Variants in MSANTD7 observed in about 807,000 individuals in gnomAD.
MSANTD7 encodes the protein Myb/SANT DNA binding domain containing 7, also known as zinc finger and SCAN domain containing 29.
At chr10:14,838,355 G>T in the MSANTD7 span, 3 of 1,555,604 alleles carry the variant, frequency 1.9e-6, no homozygotes, top group Non-Finnish European at 2.6e-6. Context: ...GGTAGCTGTT[G>T]CTGTTGGGGG....
At chr10:14,843,776 G>A in the MSANTD7 span, 246 of 1,536,210 alleles carry the variant, frequency 1.6e-4, no homozygotes, top group Non-Finnish European at 2.0e-4. Context: ...AATGAGCTCC[G>A]CAGGGATGCT....
At chr10:14,846,793 G>A in the MSANTD7 span, 1,262 of 985,428 alleles carry the variant, frequency 1.3e-3, 24 homozygotes, top group South Asian at 0.033. Context: ...TGCCAAGCCC[G>A]TGGGCTGTTG....
chr10:14,845,861 C>A, the MSANTD7 span: 1 of 317,276 alleles, frequency 3.2e-6, no homozygotes, highest in Non-Finnish European at 4.6e-6. Flanking sequence ...CGTGCCCAGC[C>A]AATTCATGCC....
At chr10:14,841,742 G>C in the MSANTD7 span, among the ~76,000 whole-genome samples, 2 of 152,216 alleles carry the variant, frequency 1.3e-5, no homozygotes, top group Non-Finnish European at 2.9e-5. Context: ...CTGACAGTCA[G>C]ATGGGTAACA....
chr10:14,842,665 C>T, the MSANTD7 span: 2 of 1,536,220 alleles, frequency 1.3e-6, no homozygotes, highest in East Asian at 2.4e-5. The surrounding 1 kb of genome is among the most constrained non-coding windows in gnomAD (Gnocchi z 5.2). Context: ...ACTTAGTGGC[C>T]TCTGACGCCC....
At chr10:14,838,502 C>G in the MSANTD7 span, 3 of 1,545,250 alleles carry the variant, frequency 1.9e-6, no homozygotes, top group Non-Finnish European at 2.6e-6. Context: ...TGACGGCCAC[C>G]CGGTTTTCTG....
the MSANTD7 span, chr10:14,846,123 C>G: frequency 1.4e-5 from 14 of 969,382 alleles, no homozygotes; most frequent in South Asian, 6.6e-4. Context: ...CATATAGACT[C>G]TTTACTTTAA....
chr10:14,840,570 T>C, the MSANTD7 span, among the ~76,000 whole-genome samples: 1 of 152,224 alleles, frequency 6.6e-6, no homozygotes, highest in East Asian at 1.9e-4. Flanking sequence ...TCAGGATCTT[T>C]TGTGACACTT....
At chr10:14,840,002 T>C in the MSANTD7 span, 1 of 1,583,946 alleles carries the variant, frequency 6.3e-7, no homozygotes, top group East Asian at 2.2e-5. Flanking sequence ...GTCCCCCCAT[T>C]TTTGTACTTC....
the MSANTD7 span, chr10:14,844,311 TTTAAG>T: frequency 8.5e-6 from 9 of 1,060,284 alleles, no homozygotes; most frequent in East Asian, 3.7e-4. Flanking sequence ...ACTGTACACA[TTTAAG>T]TTATTAATTC....
the MSANTD7 span, chr10:14,843,571 G>A: frequency 6.4e-7 from 1 of 1,550,564 alleles, no homozygotes; most frequent in Non-Finnish European, 8.7e-7. Flanking sequence ...TTTTGTTTCT[G>A]GTGGGGATAG....
At chr10:14,843,237 C>T in the MSANTD7 span, 2 of 1,104,162 alleles carry the variant, frequency 1.8e-6, no homozygotes, top group South Asian at 1.5e-5. Flanking sequence ...GAAATGGATT[C>T]TTCCCAGTCC....
the MSANTD7 span, chr10:14,845,690 T>G: frequency 1.0e-4 from 25 of 242,016 alleles, no homozygotes; most frequent in Non-Finnish European, 1.7e-4. Context: ...GCCTCCCGAG[T>G]AGCCGGGATT....
chr10:14,842,341 T>C, the MSANTD7 span: 1 of 1,536,082 alleles, frequency 6.5e-7, no homozygotes, highest in East Asian at 2.4e-5. This position sits in a 1 kb window ranked among gnomAD's most constrained non-coding sequence, Gnocchi z 5.2. Flanking sequence ...AGACACGAAC[T>C]CTTCTCTCCA....
At chr10:14,844,748 A>G in the MSANTD7 span, 2 of 972,302 alleles carry the variant, frequency 2.1e-6, no homozygotes, top group Admixed American at 6.2e-5. Flanking sequence ...TTTGCATTTC[A>G]TATTATTTGG....
chr10:14,842,406 A>T, the MSANTD7 span: 1 of 1,536,168 alleles, frequency 6.5e-7, no homozygotes, highest in Non-Finnish European at 8.7e-7. This position sits in a 1 kb window ranked among gnomAD's most constrained non-coding sequence, Gnocchi z 5.2. Flanking sequence ...CACAATGCAG[A>T]TGTCTATCAG....
chr10:14,841,273 C>T, the MSANTD7 span: 4 of 151,898 alleles, frequency 2.6e-5, no homozygotes, highest in Non-Finnish European at 4.4e-5. Flanking sequence ...AACTTAGTAC[C>T]GAGCATATTA....
the MSANTD7 span, among the ~76,000 whole-genome samples, chr10:14,840,496 G>T: frequency 5.9e-5 from 9 of 152,146 alleles, no homozygotes; most frequent in African/African-American, 2.2e-4. Context: ...TGACAATGTG[G>T]TTGAATTTTG....
chr10:14,842,384 C>G, the MSANTD7 span: 19 of 1,536,160 alleles, frequency 1.2e-5, no homozygotes, highest in Non-Finnish European at 1.7e-5. The surrounding 1 kb of genome is among the most constrained non-coding windows in gnomAD (Gnocchi z 5.2). Context: ...TCAGCGCCTC[C>G]AGACTGTGCA....
Sources: gnomAD v4.1 joint callset for allele counts (sites outside exome capture counted in the v4.1 genomes callset) on GRCh38, gnomAD v4.1.1 for gene constraint, Gnocchi (gnomAD v3.1) non-coding constraint, MANE v1.5 for transcripts, NCBI Gene and HGNC (gene_info 2026-07-23, HGNC 2026-07-21) for gene names.